MAF: variants seen among roughly 807,000 people sequenced by gnomAD.
MAF encodes the protein MAF bZIP transcription factor, also known as transcription factor Maf.
MAF carries 10 observed loss-of-function variants against 22.0 expected under a neutral mutation model. That is an observed-to-expected ratio of 0.45 (90% CI 0.28 to 0.77). The LOEUF is 0.77. Among genes scored for constraint, MAF ranks in the 30% least tolerant of loss-of-function variants. MAF has a pLI of 0.12. For missense variants in MAF, 544 were observed against 548.4 expected (o/e 0.99, Z 0.08); for synonymous variants, 337 against 255.8 (o/e 1.32, Z -3.03).
At chr16:79,272,090 TG>T in the MAF span, among the ~76,000 whole-genome samples, 4 of 151,054 alleles carry the variant, frequency 2.6e-5, no homozygotes, top group African/African-American at 9.8e-5. Context: ...GGGATGTCAA[TG>T]GGGGTAAAAG....
At chr16:79,467,543 G>C in the MAF span, among the ~76,000 whole-genome samples, 2 of 152,206 alleles carry the variant, frequency 1.3e-5, no homozygotes, top group African/African-American at 4.8e-5. Context: ...AGTAGGATGT[G>C]AACCCAGGTG....
chr16:79,389,613 C>T, the MAF span, among the ~76,000 whole-genome samples: 2 of 151,146 alleles, frequency 1.3e-5, no homozygotes, highest in African/African-American at 2.4e-5. Context: ...ATAAATAAAA[C>T]ATTTTTCTTT....
the MAF span, among the ~76,000 whole-genome samples, chr16:79,364,584 A>C: frequency 2.0e-5 from 3 of 152,216 alleles, no homozygotes; most frequent in African/African-American, 7.2e-5. Context: ...GACAGAGCAC[A>C]CTGTTTTCCA....
chr16:79,299,379 C>T, the MAF span, among the ~76,000 whole-genome samples: 1 of 151,676 alleles, frequency 6.6e-6, no homozygotes, highest in Non-Finnish European at 1.5e-5. Flanking sequence ...AAACAACCTT[C>T]CACTGTTGAA....
At chr16:79,251,701 G>A in the MAF span, among the ~76,000 whole-genome samples, 78 of 152,298 alleles carry the variant, frequency 5.1e-4, 1 homozygote, top group South Asian at 0.013. Context: ...GCTCAAAGCC[G>A]TCCCTCAGTG....
At chr16:79,389,853 G>A in the MAF span, among the ~76,000 whole-genome samples, 12 of 151,590 alleles carry the variant, frequency 7.9e-5, 1 homozygote, top group African/African-American at 2.9e-4. Context: ...GTGGGCGCCT[G>A]TAGTCCCAGC....
chr16:79,449,545 A>G, the MAF span, among the ~76,000 whole-genome samples: 245 of 152,288 alleles, frequency 1.6e-3, no homozygotes, highest in African/African-American at 5.8e-3. Flanking sequence ...CTCTTTCTGC[A>G]TGCATGCAGC....
chr16:79,598,709 A>C, intron 1 of MAF, 76 bp downstream of exon 1: 2 of 1,598,208 alleles, frequency 1.3e-6, no homozygotes, highest in Non-Finnish European at 8.5e-7. Context: ...CTCTAGAACT[A>C]GCAAGCCCAC....
At chr16:79,249,455 G>A in the MAF span, among the ~76,000 whole-genome samples, 3 of 148,722 alleles carry the variant, frequency 2.0e-5, no homozygotes, top group Admixed American at 6.7e-5. Flanking sequence ...GAAGGATGCC[G>A]CCATGCCCCT....
At chr16:79,456,964 G>C in the MAF span, among the ~76,000 whole-genome samples, 1 of 151,032 alleles carries the variant, frequency 6.6e-6, no homozygotes, top group South Asian at 2.1e-4. Flanking sequence ...ACACACCCTT[G>C]GAGCCTATGT....
chr16:79,456,596 A>G, the MAF span, among the ~76,000 whole-genome samples: 21 of 152,308 alleles, frequency 1.4e-4, no homozygotes, highest in Admixed American at 7.8e-4. Context: ...AGGATGAGCT[A>G]CTAAGCTGGC....
chr16:79,500,136 G>T, the MAF span, among the ~76,000 whole-genome samples: 1 of 152,178 alleles, frequency 6.6e-6, no homozygotes, highest in South Asian at 2.1e-4. Context: ...AGTTTCAGAC[G>T]GTCTGGCCTC....
chr16:79,295,911 T>C, the MAF span, among the ~76,000 whole-genome samples: 1 of 152,246 alleles, frequency 6.6e-6, no homozygotes, highest in Non-Finnish European at 1.5e-5. Context: ...TCAGCAATGT[T>C]TGCATTCTGC....
the MAF span, chr16:79,205,425 A>G: frequency 1.3e-5 from 2 of 152,194 alleles, no homozygotes; most frequent in South Asian, 4.1e-4. Context: ...CCTTGTGGCA[A>G]AAGATCAACA....
At chr16:79,352,427 C>G in the MAF span, among the ~76,000 whole-genome samples, 1 of 152,048 alleles carries the variant, frequency 6.6e-6, no homozygotes, top group Non-Finnish European at 1.5e-5. Flanking sequence ...CTGACGTTGC[C>G]TTTTATGAGC....
the MAF span, among the ~76,000 whole-genome samples, chr16:79,277,643 GC>G: frequency 5.9e-5 from 9 of 152,180 alleles, no homozygotes; most frequent in East Asian, 1.5e-3. Flanking sequence ...GTAGTGGATG[GC>G]TTTAGGAATT....
the MAF span, among the ~76,000 whole-genome samples, chr16:79,499,633 C>G: frequency 6.6e-6 from 1 of 152,106 alleles, no homozygotes; most frequent in African/African-American, 2.4e-5. Context: ...TGTCCCTTCC[C>G]CCATATGAAG....
chr16:79,527,304 T>A, the MAF span, among the ~76,000 whole-genome samples: 30,250 of 152,216 alleles, frequency 0.2, 3,454 homozygotes, highest in Middle Eastern at 0.27. Context: ...GCTCTAAGCT[T>A]GCCTTCTTAC....
the MAF span, among the ~76,000 whole-genome samples, chr16:79,257,479 T>C: frequency 6.6e-6 from 1 of 152,212 alleles, no homozygotes; most frequent in Non-Finnish European, 1.5e-5. Flanking sequence ...GGCCATAATG[T>C]CTACCATAAG....
Sources: gnomAD v4.1 joint callset for allele counts (sites outside exome capture counted in the v4.1 genomes callset) on GRCh38, gnomAD v4.1.1 for gene constraint, MANE v1.5 for transcripts, NCBI Gene and HGNC (gene_info 2026-07-23, HGNC 2026-07-21) for gene names.